The following OOSP3 variants were observed in gnomAD, a reference collection of about 807,000 sequenced individuals.
OOSP3 encodes the protein oocyte-secreted protein 3.
intron 2 of OOSP3, among the ~76,000 whole-genome samples, chr11:59,889,722 A>G (rs753520932): frequency 2.7e-5 from 4 of 150,788 alleles, no homozygotes; most frequent in Non-Finnish European, 4.4e-5. Context: ...TATGTGATGA[A>G]TTTTAGAGTA....
At chr11:59,886,916 G>A (rs1185106013) in intron 2 of OOSP3, among the ~76,000 whole-genome samples, 3 of 151,252 alleles carry the variant, frequency 2.0e-5, no homozygotes, top group African/African-American at 4.9e-5. Flanking sequence ...TCAGCCTCCC[G>A]AATAGCTGGG....
At chr11:59,886,966 TG>T (rs1853267575) in intron 2 of OOSP3, among the ~76,000 whole-genome samples, 1 of 152,010 alleles carries the variant, frequency 6.6e-6, no homozygotes, top group African/African-American at 2.4e-5. Flanking sequence ...AATTTTTTTT[TG>T]TATTTTTAGT....
chr11:59,880,614 C>T (rs1333270822), intron 2 of OOSP3, among the ~76,000 whole-genome samples, 175 bp downstream of exon 2: 1 of 152,122 alleles, frequency 6.6e-6, no homozygotes, highest in Admixed American at 6.5e-5. Flanking sequence ...TATCATGGCA[C>T]ATAGCCCATT....
chr11:59,895,403 G>A, intron 3 of OOSP3, 99 bp from the exon 4 acceptor site: 2 of 390,230 alleles, frequency 5.1e-6, no homozygotes, highest in Non-Finnish European at 9.0e-6. Flanking sequence ...TGCTAAAGTA[G>A]AAGGAAAAAA....
intron 2 of OOSP3, among the ~76,000 whole-genome samples, chr11:59,881,380 T>C (rs1853200179): frequency 6.7e-6 from 1 of 150,318 alleles, no homozygotes; most frequent in Non-Finnish European, 1.5e-5. Context: ...AAAAAAAAGA[T>C]TGGAATTTTT....
rs532053487 is a variant in OOSP3 at position 59,887,073 on chromosome 11, G to A, written c.252+6634G>A. Among the ~76,000 whole-genome samples, 5 of 151,664 alleles carry A rather than the reference G, an allele frequency of 3.3e-5. 1 individual carries two copies. The East Asian group carries it at 7.7e-4, about 23-fold the overall frequency. On this transcript the variant is annotated intron_variant, in intron 2 of 4. Transcript: ENST00000646438. ...GCCTCCCAAAGTGCTGGGATTACAG[G>A]CATGAGCCACCACACCCCTTTGCCC...
intron 1 of OOSP3, 96 bp downstream of exon 1, chr11:59,878,977 C>T (rs532137682): frequency 7.6e-6 from 3 of 397,338 alleles, no homozygotes; most frequent in African/African-American, 6.2e-5. Context: ...AGTGACTTTC[C>T]AGTATAGTTT....
At chr11:59,895,285 CTT>C (rs763923971) in intron 3 of OOSP3, among the ~76,000 whole-genome samples, 27 of 121,776 alleles carry the variant, frequency 2.2e-4, no homozygotes, top group Non-Finnish European at 3.2e-4. Context: ...TATGGTAGGA[CTT>C]TTTTTTTTTT....
At chr11:59,881,765 G>GTCTC (rs1853203694) in intron 2 of OOSP3, among the ~76,000 whole-genome samples, 1 of 152,168 alleles carries the variant, frequency 6.6e-6, no homozygotes, top group Non-Finnish European at 1.5e-5. Context: ...AGTAACTCAG[G>GTCTC]AGGCTGAGAC....
intron 2 of OOSP3, among the ~76,000 whole-genome samples, chr11:59,892,934 A>G (rs191270168): frequency 6.2e-4 from 95 of 152,342 alleles, no homozygotes; most frequent in African/African-American, 2.2e-3. Context: ...GATAATATTC[A>G]GAGTCTTAAA....
At chr11:59,885,163 G>A (rs968121396) in intron 2 of OOSP3, among the ~76,000 whole-genome samples, 4 of 152,164 alleles carry the variant, frequency 2.6e-5, no homozygotes, top group Middle Eastern at 3.4e-3. Context: ...TTAATATGGT[G>A]TATTACATTG....
At chr11:59,896,263 T>C (rs1853356920) in exon 5 of OOSP3, 2 of 397,996 alleles carry the variant, frequency 5.0e-6, no homozygotes, top group Non-Finnish European at 8.9e-6. Flanking sequence ...TTACTTAAAA[T>C]TTAATTTTTG....
chr11:59,881,432 TG>T (rs1206183727), intron 2 of OOSP3, among the ~76,000 whole-genome samples: 1 of 152,152 alleles, frequency 6.6e-6, no homozygotes, highest in Non-Finnish European at 1.5e-5. Flanking sequence ...TAAAATCTCC[TG>T]TATCTTTTGT....
exon 5 of OOSP3, chr11:59,896,228 A>G (rs1472456802): frequency 5.0e-6 from 2 of 398,310 alleles, no homozygotes; most frequent in Admixed American, 8.8e-5. Context: ...TTCCATGGCA[A>G]TCCTGAAAAC....
intron 2 of OOSP3, among the ~76,000 whole-genome samples, chr11:59,891,325 GTGT>G (rs1453649194): frequency 6.6e-6 from 1 of 152,192 alleles, no homozygotes; most frequent in Non-Finnish European, 1.5e-5. Flanking sequence ...TGCTGAAGAG[GTGT>G]TGTAATCATT....
At position 59,886,593 on chromosome 11, in the gene OOSP3, A is replaced by G. The variant is rs549416699; in HGVS notation, c.252+6154A>G. On this transcript the variant is annotated intron_variant, in intron 2 of 4. Coordinates refer to ENST00000646438, the Ensembl canonical transcript of OOSP3. The stretch of plus-strand genomic sequence containing the variant: ...TACATTCCCACCAACAGTGTAAAAG[A>G]GTTCCTATTTCTCTGCAACCTCTCC... 2.0e-5 allele frequency among the ~76,000 whole-genome samples: 3 copies of G among 152,280 alleles called. No individual in the cohort carries two copies. In the East Asian group the frequency reaches 5.8e-4, roughly 29 times the overall value.
intron 2 of OOSP3, among the ~76,000 whole-genome samples, chr11:59,883,459 T>C (rs1853221979): frequency 6.6e-6 from 1 of 152,184 alleles, no homozygotes; most frequent in South Asian, 2.1e-4. Context: ...ATCAGCTTGA[T>C]CCAAGAATGT....
chr11:59,896,423 T>G (rs1853358296), exon 5 of OOSP3: 1 of 351,366 alleles, frequency 2.8e-6, no homozygotes, highest in South Asian at 1.5e-4. Context: ...TAATACAATG[T>G]CTATGTATAA....
At chr11:59,891,108 T>G (rs1002182576) in intron 2 of OOSP3, among the ~76,000 whole-genome samples, 4 of 152,254 alleles carry the variant, frequency 2.6e-5, no homozygotes, top group African/African-American at 9.6e-5. Flanking sequence ...TCTTGTGCTG[T>G]GTTTTTCAGC....
Sources: gnomAD v4.1 joint callset for allele counts (sites outside exome capture counted in the v4.1 genomes callset) on GRCh38, gnomAD v4.1.1 for gene constraint, MANE v1.5 for transcripts, NCBI Gene and HGNC (gene_info 2026-07-23, HGNC 2026-07-21) for gene names.